SIGLEC8: variants seen among roughly 807,000 people sequenced by gnomAD.
SIGLEC8 encodes sialic acid binding Ig like lectin 8.
Under a neutral mutation model 42.1 loss-of-function variants are expected in SIGLEC8, and 32 were observed. The ratio of observed to expected loss-of-function variants is 0.76; its 90% CI spans 0.57 to 1.02. SIGLEC8 has a LOEUF of 1.02. SIGLEC8 is among the 50% of genes least tolerant of loss of function. SIGLEC8 has a pLI of 0.00. For missense variants in SIGLEC8, 611 were observed against 610.2 expected (o/e 1.00, Z -0.01); for synonymous variants, 262 against 260.3 (o/e 1.01, Z -0.06).
rs1011435333 is a variant in SIGLEC8, at chr19:51,454,148, C to T, written c.1245+71G>A. On this transcript the variant is annotated intron_variant, in intron 6 of 6. Transcript: ENST00000321424. This position sits in a 1 kb window ranked among gnomAD's most constrained non-coding sequence, Gnocchi z 4.7. ...GTGACTTTGGCCATACCAAAGAGAG[C>T]GATCCTGGGGGCCATCCTGTCAGAG... 13 of 1,598,962 alleles carry T rather than the reference C, an allele frequency of 8.1e-6. No individual in the cohort carries two copies. The highest frequency in any genetic ancestry group is 2.2e-5 in the East Asian group (1 of 44,546).
Position 51,457,232 on chromosome 19 carries a change from C to T in SIGLEC8, c.734-1G>A, listed in dbSNP as rs1282404549. The T allele has an allele frequency of 6.2e-7, 1 of 1,613,294 alleles. No individual in the cohort carries two copies. ...GTCATGGTCAAGTTCCAAGGAGGGTCTGGGACAGAAAGACATGAAGACCCA... is the reference window on the plus strand; with the variant it reads ...GTCATGGTCAAGTTCCAAGGAGGGTTTGGGACAGAAAGACATGAAGACCCA... On this transcript the variant is annotated splice_acceptor_variant, in intron 2 of 6. Transcript: ENST00000321424. LOFTEE classifies it high-confidence loss of function.
Position 51,454,835 on chromosome 19 carries a change from T to G in SIGLEC8, c.1052-55A>C. ...TTTATATCACGGAGAAGTGGGTCTC[T>G]TCCCCTCCCACTGTCTGCAGGGCCC... On this transcript the variant is annotated intron_variant, in intron 4 of 6. Coordinates refer to ENST00000321424, the MANE Select transcript of SIGLEC8 (RefSeq NM_014442.3). This position sits in a 1 kb window ranked among gnomAD's most constrained non-coding sequence, Gnocchi z 4.7. The G allele has an allele frequency of 8.2e-4, 1,035 of 1,264,218 alleles. No individual in the cohort carries two copies. The highest frequency in any genetic ancestry group is 1.1e-3 in the Non-Finnish European group (956 of 862,702). The allele number at this position is 1,264,218 out of a possible 1,614,324, so 78.3% of individuals were successfully genotyped here. A position where few individuals can be genotyped will look rare whatever the true frequency, so the allele number is the denominator to read the frequency against.
chr19:51,451,101 A>G lies in SIGLEC8; in HGVS notation c.*1278T>C, dbSNP rs1343952499. On this transcript the variant is annotated 3_prime_UTR_variant, in exon 7 of 7. Transcript: ENST00000321424. ...GGAAGGGGAACCAGGCACATCTTACATGGTGGCAGGCAAGAGAGAAGAGCA... is the reference window on the plus strand; with the variant it reads ...GGAAGGGGAACCAGGCACATCTTACGTGGTGGCAGGCAAGAGAGAAGAGCA... 1 of 152,148 alleles carries G rather than the reference A, an allele frequency of 6.6e-6. No individual in the cohort carries two copies. Among genetic ancestry groups the G allele is most frequent in the Non-Finnish European group, 1.5e-5 (1 of 68,026 alleles). 9.4% of individuals were successfully genotyped at this position (152,148 alleles called of 1,614,324 possible). A position where few individuals can be genotyped will look rare whatever the true frequency, so the allele number is the denominator to read the frequency against.
intron 6 of SIGLEC8, chr19:51,453,833 C>T (rs1451530771): frequency 1.5e-5 from 15 of 984,934 alleles, no homozygotes; most frequent in Non-Finnish European, 1.8e-5. Flanking sequence ...AGGTTAGTGG[C>T]GTAAGGATGA....
chr19:51,453,466 G>T, intron 6 of SIGLEC8: 1 of 858,040 alleles, frequency 1.2e-6, no homozygotes, highest in Non-Finnish European at 1.4e-6. Flanking sequence ...GGGAGGCTGA[G>T]GCGGGCGGAT....
chr19:51,458,434 A>G lies in SIGLEC8; in HGVS notation c.-47T>C, dbSNP rs1989553680. 2 of 1,575,454 alleles carry G rather than the reference A, an allele frequency of 1.3e-6. No homozygotes were observed. Among genetic ancestry groups the G allele is most frequent in the Non-Finnish European group, 1.7e-6 (2 of 1,159,472 alleles). On this transcript the variant is annotated 5_prime_UTR_variant, in exon 1 of 7. Coordinates refer to ENST00000321424, the MANE Select transcript of SIGLEC8 (RefSeq NM_014442.3). ...GGCCGCCAGGGAACGTCTGTTCCTC[A>G]GGGTTCTTCTCTCAGAAACTGAGGT...
chr19:51,451,384 G>A lies in SIGLEC8; in HGVS notation c.*995C>T, dbSNP rs1989361844. ...AAAATAAGTACAGACCCGCCATACA[G>A]GTTGGGCAGGGGGTCCCGGCCTTCA... On this transcript the variant is annotated 3_prime_UTR_variant, in exon 7 of 7. Coordinates refer to ENST00000321424, the MANE Select transcript of SIGLEC8 (RefSeq NM_014442.3). 6.6e-6 allele frequency: 1 copy of A among 152,222 alleles called. No homozygotes were observed. Among genetic ancestry groups the A allele is most frequent in the Admixed American group, 6.5e-5 (1 of 15,286 alleles). The allele number at this position is 152,222 out of a possible 1,614,324, so 9.4% of individuals were successfully genotyped here. A position where few individuals can be genotyped will look rare whatever the true frequency, so the allele number is the denominator to read the frequency against.
Position 51,452,533 on chromosome 19 carries a change from G to A in SIGLEC8, c.1346C>T (p.Thr449Ile). The part of the protein sequence containing the change: ...SGEEGELHYA[T>I]LSFHKVKPQD... ...AGGCTTCACTTTATGGAAGCTGAGG[G>A]TTGCATAATGGAGCTCTCCTTCCTC... The change falls in exon 7 of 7, where the codon ACC (threonine) becomes ATC (isoleucine). Residue 449 changes from threonine (T) to isoleucine (I), a missense_variant. By Grantham distance (89) the Thr-to-Ile change is moderately conservative. Coordinates refer to ENST00000321424, the MANE Select transcript of SIGLEC8 (RefSeq NM_014442.3). 6.3e-7 allele frequency: 1 copy of A among 1,598,834 alleles called. No homozygotes were observed. Among genetic ancestry groups the A allele is most frequent in the Non-Finnish European group, 8.6e-7 (1 of 1,167,272 alleles).
chr19:51,452,718 T>G, intron 6 of SIGLEC8, 85 bp from the exon 7 acceptor site: 4 of 1,280,898 alleles, frequency 3.1e-6, no homozygotes, highest in Non-Finnish European at 3.1e-6. Flanking sequence ...GCCCAGGAGG[T>G]CCGTCCTCCA....
At position 51,455,581 on chromosome 19, in the gene SIGLEC8, G is replaced by C. The variant is rs1989470658; in HGVS notation, c.888C>G (p.Thr296=). 6.2e-7 allele frequency: 1 copy of C among 1,614,074 alleles called. No individual in the cohort carries two copies. The highest frequency in any genetic ancestry group is 1.1e-5 in the South Asian group (1 of 91,054). Residue 296 remains threonine, a synonymous_variant, in exon 4 of 7, where the codon ACC becomes ACG. Coordinates refer to ENST00000321424, the MANE Select transcript of SIGLEC8 (RefSeq NM_014442.3). ...AGGGGCACAGGGTCAGGCTCCCCCG[G>C]GTCCAGCTCAGCCTGGCAGGGGGAT... is the stretch of plus-strand genomic sequence containing the variant. ...NSNPPARLSW[T]RGSLTLCPSR...
rs1989429910 is a variant in SIGLEC8 at position 51,454,030 on chromosome 19, T to C, written c.1245+189A>G. ...GATAACTCCTACTCAGTGCCTGGCCTGGGAAAAATTGGGGGTAGGGACTGC... is the reference window on the plus strand; with the variant it reads ...GATAACTCCTACTCAGTGCCTGGCCCGGGAAAAATTGGGGGTAGGGACTGC... On this transcript the variant is annotated intron_variant, in intron 6 of 6. Transcript: ENST00000321424. This position sits in a 1 kb window ranked among gnomAD's most constrained non-coding sequence, Gnocchi z 4.7. 1 of 985,138 alleles carries C rather than the reference T, an allele frequency of 1.0e-6. No homozygotes were observed. Among genetic ancestry groups the C allele is most frequent in the Non-Finnish European group, 1.2e-6 (1 of 829,844 alleles). 61.0% of individuals were successfully genotyped at this position (985,138 alleles called of 1,614,324 possible).
chr19:51,454,158 G>A lies in SIGLEC8; in HGVS notation c.1245+61C>T. The A allele has an allele frequency of 2.5e-6, 4 of 1,608,486 alleles. No homozygotes were observed. Among genetic ancestry groups the A allele is most frequent in the Non-Finnish European group, 3.4e-6 (4 of 1,176,910 alleles). On this transcript the variant is annotated intron_variant, in intron 6 of 6. Transcript: ENST00000321424. The surrounding 1 kb of genome is among the most constrained non-coding windows in gnomAD (Gnocchi z 4.7). The stretch of plus-strand genomic sequence containing the variant: ...CCATACCAAAGAGAGCGATCCTGGG[G>A]GCCATCCTGTCAGAGGTGTCCAGGC...
chr19:51,453,317 TG>T, intron 6 of SIGLEC8: 2 of 903,842 alleles, frequency 2.2e-6, no homozygotes, highest in Non-Finnish European at 2.6e-6. Context: ...CTCAAACTCC[TG>T]GGCTCAAGCG....
rs568733450 is a variant in SIGLEC8 at position 51,451,588 on chromosome 19, T to C, written c.*791A>G. Reference sequence around the variant, plus strand: ...AAGAGACCTCAGAATCGGACAGGCTTTAAATTCCAGCCCTGTCCTGAGTAG... The same window carrying C: ...AAGAGACCTCAGAATCGGACAGGCTCTAAATTCCAGCCCTGTCCTGAGTAG... On this transcript the variant is annotated 3_prime_UTR_variant, in exon 7 of 7. Coordinates refer to ENST00000321424, the MANE Select transcript of SIGLEC8 (RefSeq NM_014442.3). 7.2e-5 allele frequency: 11 copies of C among 152,306 alleles called. No individual in the cohort carries two copies. Among genetic ancestry groups the C allele is most frequent in the African/African-American group, 2.6e-4 (11 of 41,556 alleles). The allele number at this position is 152,306 out of a possible 1,614,324, so 9.4% of individuals were successfully genotyped here. A position where few individuals can be genotyped will look rare whatever the true frequency, so the allele number is the denominator to read the frequency against.
rs1480863317 is a variant in SIGLEC8 at position 51,457,925 on chromosome 19, G to C, written c.454+9C>G. 6.2e-7 allele frequency: 1 copy of C among 1,613,120 alleles called. No homozygotes were observed. The highest frequency in any genetic ancestry group is 8.5e-7 in the Non-Finnish European group (1 of 1,179,240). On this transcript the variant is annotated intron_variant, in intron 1 of 6. Coordinates refer to ENST00000321424, the MANE Select transcript of SIGLEC8 (RefSeq NM_014442.3). Reference sequence around the variant, plus strand: ...TCCCCTGTGGCCTGTGCTGGAGCCCGTGCCTTACCTGTCACAAACACAGAC... The same window carrying C: ...TCCCCTGTGGCCTGTGCTGGAGCCCCTGCCTTACCTGTCACAAACACAGAC...
chr19:51,457,293 T>C, intron 2 of SIGLEC8, 62 bp from the exon 3 acceptor site: 1 of 1,547,866 alleles, frequency 6.5e-7, no homozygotes, highest in South Asian at 1.2e-5. Flanking sequence ...GGCCCTGTCT[T>C]CCCAGGAGCT....
rs761607216 is a variant in SIGLEC8, at chr19:51,452,419, AAAC to A, written c.1457_1459del (p.Cys486del). On this transcript the variant is annotated inframe_deletion, in exon 7 of 7. Transcript: ENST00000321424. ...TTTGCTGGAGGGGTTGTGATTCCTC[AAAC>A]AGGCCTGAGTCTCTGCAGTTTCTCG... The A allele has an allele frequency of 1.9e-6, 3 of 1,609,740 alleles. No homozygotes were observed. In the African/African-American group the frequency reaches 4.0e-5, roughly 21 times the overall value.
chr19:51,458,300 G>A lies in SIGLEC8; in HGVS notation c.88C>T (p.Gln30Ter). The part of the protein sequence containing the change: ...DRQYGDGYLL[Q>*]VQELVTVQEG... Reference sequence around the variant, plus strand: ...TGCACCGTCACCAGCTCCTGCACTTGCAGCAAGTAACCATCCCCATATTGT... The same window carrying A: ...TGCACCGTCACCAGCTCCTGCACTTACAGCAAGTAACCATCCCCATATTGT... The change falls in exon 1 of 7, where the codon CAA becomes TAA. Residue 30 changes from glutamine (Q) to a stop codon, truncating the protein, a stop_gained. Transcript: ENST00000321424. LOFTEE classifies it high-confidence loss of function. 6.2e-7 allele frequency: 1 copy of A among 1,614,128 alleles called. No homozygotes were observed. Among genetic ancestry groups the A allele is most frequent in the Non-Finnish European group, 8.5e-7 (1 of 1,180,006 alleles).
chr19:51,454,832 C>A lies in SIGLEC8; in HGVS notation c.1052-52G>T, dbSNP rs565687226. ...GGATTTATATCACGGAGAAGTGGGTCTCTTCCCCTCCCACTGTCTGCAGGG... is the reference window on the plus strand; with the variant it reads ...GGATTTATATCACGGAGAAGTGGGTATCTTCCCCTCCCACTGTCTGCAGGG... On this transcript the variant is annotated intron_variant, in intron 4 of 6. Coordinates refer to ENST00000321424, the MANE Select transcript of SIGLEC8 (RefSeq NM_014442.3). This position sits in a 1 kb window ranked among gnomAD's most constrained non-coding sequence, Gnocchi z 4.7. 1.5e-6 allele frequency: 2 copies of A among 1,332,968 alleles called. No homozygotes were observed. The highest frequency in any genetic ancestry group is 2.3e-5 in the East Asian group (1 of 43,448). 82.6% of individuals were successfully genotyped at this position (1,332,968 alleles called of 1,614,324 possible).
Sources: gnomAD v4.1 joint callset for allele counts on GRCh38, gnomAD v4.1.1 for gene constraint, Gnocchi (gnomAD v3.1) non-coding constraint, MANE v1.5 for transcripts, NCBI Gene and HGNC (gene_info 2026-07-23, HGNC 2026-07-21) for gene names.